The following DAB1 variants were observed in gnomAD, a reference collection of about 807,000 sequenced individuals.
DAB1 encodes the protein disabled homolog 1.
Under a neutral mutation model 64.6 loss-of-function variants are expected in DAB1, and 15 were observed. The ratio of observed to expected loss-of-function variants is 0.23; its 90% CI spans 0.16 to 0.36. The LOEUF (loss-of-function observed/expected upper bound fraction) is 0.36, where lower values mean the gene tolerates loss of function less well. DAB1 is among the 10% of genes least tolerant of loss of function. The probability of loss-of-function intolerance (pLI) is 1.00; values close to 1 mark genes in which losing one functional copy is unlikely to be tolerated. For synonymous variants in DAB1, 235 were observed against 251.9 expected, an observed-to-expected ratio of 0.93 and a Z score of 0.64; for missense variants, 596 against 706.7, an observed-to-expected ratio of 0.84 and a Z score of 1.78.
intron 4 of DAB1, among the ~76,000 whole-genome samples, chr1:58,232,476 T>TACACACACACACACACACAC (rs58863239): frequency 6.9e-6 from 1 of 144,034 alleles, no homozygotes; most frequent in Non-Finnish European, 1.5e-5. Context: ...TCTGAGTGAA[T>TACACACACACACACACACAC]ACACACACAC....
intron 3 of DAB1, among the ~76,000 whole-genome samples, chr1:58,450,039 A>G (rs1241244460): frequency 6.6e-6 from 1 of 152,234 alleles, no homozygotes; most frequent in African/African-American, 2.4e-5. Context: ...AGTACGTGAC[A>G]TAATTGGAGA....
At chr1:58,416,043 C>G (rs762493717) in intron 3 of DAB1, among the ~76,000 whole-genome samples, 2 of 152,090 alleles carry the variant, frequency 1.3e-5, no homozygotes, top group Admixed American at 1.3e-4. Context: ...GTTTTTTGCC[C>G]ATATCCCCTC....
At chr1:58,361,957 T>C (rs1644171792) in intron 3 of DAB1, among the ~76,000 whole-genome samples, 1 of 142,066 alleles carries the variant, frequency 7.0e-6, no homozygotes, top group Non-Finnish European at 1.5e-5. Flanking sequence ...CTCCACCTCC[T>C]GGGTTCCAGC....
intron 5 of DAB1, among the ~76,000 whole-genome samples, chr1:58,006,657 G>C (rs1459044881): frequency 6.6e-6 from 1 of 152,176 alleles, no homozygotes; most frequent in Non-Finnish European, 1.5e-5. Context: ...GTGTAAGCCA[G>C]AGGAGACCTA....
At chr1:58,450,050 A>AT (rs1645115537) in intron 3 of DAB1, among the ~76,000 whole-genome samples, 1 of 152,210 alleles carries the variant, frequency 6.6e-6, no homozygotes, top group Non-Finnish European at 1.5e-5. Flanking sequence ...TAATTGGAGA[A>AT]TAAAAAATAA....
intron 7 of DAB1, among the ~76,000 whole-genome samples, chr1:57,622,823 T>C (rs749591214): frequency 6.6e-6 from 1 of 152,248 alleles, no homozygotes; most frequent in Non-Finnish European, 1.5e-5. Flanking sequence ...GTGTTTGCTC[T>C]GTGCACTTCC....
intron 1 of DAB1, among the ~76,000 whole-genome samples, chr1:57,852,390 C>T (rs138479715): frequency 5.8e-4 from 89 of 152,304 alleles, no homozygotes; most frequent in African/African-American, 2.1e-3. Flanking sequence ...AGCTTTCCTA[C>T]ATTCTAAACA....
At chr1:57,475,279 AC>A (rs569875394) in intron 7 of DAB1, among the ~76,000 whole-genome samples, 27 of 152,308 alleles carry the variant, frequency 1.8e-4, no homozygotes, top group Admixed American at 1.6e-3. Flanking sequence ...TCTGTCCCAA[AC>A]AAAACAGAAC....
Position 57,282,182 on chromosome 1 carries a change from CAAAA to C in DAB1, c.67+8778_67+8781del, listed in dbSNP as rs61512431. Reference sequence around the variant, plus strand: ...TGGGTGACAGAGCAAGCCTTCTTCTCAAAAAAAAAAAAAAAAAAAAAAAAAAAAA... The same window carrying C: ...TGGGTGACAGAGCAAGCCTTCTTCTCAAAAAAAAAAAAAAAAAAAAAAAAA... On this transcript the variant is annotated intron_variant, in intron 2 of 14. Coordinates refer to ENST00000371236, the MANE Select transcript of DAB1 (RefSeq NM_001365792.1). Among the ~76,000 whole-genome samples, 150 of 92,766 alleles carry C rather than the reference CAAAA, an allele frequency of 1.6e-3. 2 individuals carry two copies. Among genetic ancestry groups the C allele is most frequent in the African/African-American group, 3.9e-3 (89 of 22,728 alleles). The allele number at this position is 92,766 out of a possible 152,430, so 60.9% of individuals were successfully genotyped here.
At chr1:57,722,538 T>C (rs2101760733) in intron 6 of DAB1, among the ~76,000 whole-genome samples, 1 of 152,318 alleles carries the variant, frequency 6.6e-6, no homozygotes, top group Non-Finnish European at 1.5e-5. Flanking sequence ...TGAATACCCA[T>C]TGATTAGATA....
At chr1:57,692,575 G>GA (rs1282515175) in intron 6 of DAB1, among the ~76,000 whole-genome samples, 2 of 151,998 alleles carry the variant, frequency 1.3e-5, no homozygotes, top group Non-Finnish European at 2.9e-5. Flanking sequence ...AAATAGTAAA[G>GA]AAAAAACAGT....
chr1:57,983,517 G>A (rs1475070016), intron 5 of DAB1, among the ~76,000 whole-genome samples: 1 of 152,124 alleles, frequency 6.6e-6, no homozygotes, highest in East Asian at 1.9e-4. Context: ...CCACATGAAT[G>A]CTAAATAGCT....
chr1:58,348,490 T>C (rs1417194578), intron 3 of DAB1, among the ~76,000 whole-genome samples: 5 of 152,322 alleles, frequency 3.3e-5, no homozygotes, highest in East Asian at 1.9e-4. Flanking sequence ...AGATGCTCTA[T>C]GTTTAAGACT....
At chr1:58,493,005 C>T (rs925236404) in intron 3 of DAB1, among the ~76,000 whole-genome samples, 1 of 152,050 alleles carries the variant, frequency 6.6e-6, no homozygotes, top group African/African-American at 2.4e-5. Context: ...AACATCAATG[C>T]AAAAATCCTC....
chr1:57,552,633 A>C (rs374568025), intron 7 of DAB1, among the ~76,000 whole-genome samples: 11 of 152,200 alleles, frequency 7.2e-5, no homozygotes, highest in Admixed American at 3.9e-4. Flanking sequence ...CAGAATTTTT[A>C]TGTGCGGGAC....
intron 9 of DAB1, among the ~76,000 whole-genome samples, chr1:57,056,730 G>A (rs1333956138): frequency 6.6e-6 from 1 of 151,898 alleles, no homozygotes; most frequent in African/African-American, 2.4e-5. Flanking sequence ...CAGGCGTAGT[G>A]GTGCACGCCT....
intron 3 of DAB1, among the ~76,000 whole-genome samples, chr1:58,431,147 T>C (rs757156549): frequency 6.6e-6 from 1 of 152,208 alleles, no homozygotes; most frequent in Non-Finnish European, 1.5e-5. Context: ...TACAAGGTAA[T>C]GCTCATGATG....
intron 2 of DAB1, among the ~76,000 whole-genome samples, chr1:57,249,357 T>C (rs765535520): frequency 3.3e-5 from 5 of 152,162 alleles, no homozygotes; most frequent in Non-Finnish European, 7.4e-5. Flanking sequence ...CATTTTTGTT[T>C]GTTTTTTGTT....
intron 4 of DAB1, among the ~76,000 whole-genome samples, chr1:58,172,057 C>T (rs538947270): frequency 5.9e-5 from 9 of 152,102 alleles, no homozygotes; most frequent in African/African-American, 9.7e-5. Flanking sequence ...CCGGATACAG[C>T]GAGATAGCCA....
Sources: allele counts gnomAD v4.1 joint callset (sites outside exome capture counted in the v4.1 genomes callset), GRCh38; gene constraint gnomAD v4.1.1; transcripts MANE v1.5; gene names NCBI Gene and HGNC (gene_info 2026-07-23, HGNC 2026-07-21).